The following BPTF variants were observed in gnomAD, a reference collection of about 807,000 sequenced individuals.
The protein encoded by BPTF is nucleosome-remodeling factor subunit BPTF.
Under a neutral mutation model 292.5 loss-of-function variants are expected in BPTF, and 18 were observed. That is an observed-to-expected ratio of 0.06 (90% CI 0.04 to 0.09). The LOEUF (loss-of-function observed/expected upper bound fraction) is 0.09. Among genes scored for constraint, BPTF ranks in the 10% least tolerant of loss-of-function variants. The pLI, the probability that BPTF is intolerant of heterozygous loss-of-function variation, is 1.00. For synonymous variants in BPTF, 1,225 were observed against 1,251.9 expected (o/e 0.98, Z 0.45); for missense variants, 2,726 against 3,498.7 (o/e 0.78, Z 5.57).
At chr17:67,887,642 A>G (rs2060831458) in intron 4 of BPTF, among the ~76,000 whole-genome samples, 1 of 152,212 alleles carries the variant, frequency 6.6e-6, no homozygotes, top group African/African-American at 2.4e-5. Flanking sequence ...GCAAGTGACC[A>G]AACCAACTTA....
Position 67,911,684 on chromosome 17 carries a change from C to T in BPTF, c.3800C>T (p.Thr1267Ile). The T allele has an allele frequency of 6.2e-7, 1 of 1,614,148 alleles. No individual in the cohort carries two copies. The highest frequency in any genetic ancestry group is 8.5e-7 in the Non-Finnish European group (1 of 1,180,032). Residue 1267 changes from threonine to isoleucine, a missense_variant, in exon 11 of 28, where the codon ACA (threonine) becomes ATA (isoleucine). Thr to Ile is a moderately conservative substitution (Grantham distance 89). Transcript: ENST00000306378. ...AAAAGTACCAATGACAGAGATGCCA[C>T]ACCTCTGTCAAGAGCAATGGACTTT... Reference protein sequence around the residue: ...VPKSTNDRDATPLSRAMDFEG... With the variant: ...VPKSTNDRDAIPLSRAMDFEG...
At chr17:67,955,019 G>T (rs2066784379) in intron 23 of BPTF, among the ~76,000 whole-genome samples, 1 of 152,132 alleles carries the variant, frequency 6.6e-6, no homozygotes, top group South Asian at 2.1e-4. Flanking sequence ...GCCGGGTACG[G>T]TGGCTCATGC....
At position 67,892,007 on chromosome 17, in the gene BPTF, A is replaced by G. The variant is rs2061146575; in HGVS notation, c.2028A>G (p.Ala676=). ...AGGTGGCAGCCGCTGCACATGAAGC[A>G]AATAAATTATTTAAGGAGGGCAAAG... ...SQQVAAAAHE[A]NKLFKEGKEV... Residue 676 remains alanine, a synonymous_variant, in exon 5 of 28, where the codon GCA becomes GCG. Transcript: ENST00000306378. 2 of 1,603,158 alleles carry G rather than the reference A, an allele frequency of 1.2e-6. No homozygotes were observed. Among genetic ancestry groups the G allele is most frequent in the East Asian group, 2.3e-5 (1 of 43,916 alleles).
At chr17:67,941,594 A>G (rs2147845052) in intron 19 of BPTF, among the ~76,000 whole-genome samples, 1 of 152,346 alleles carries the variant, frequency 6.6e-6, no homozygotes, top group Non-Finnish European at 1.5e-5. Flanking sequence ...TTATATGACA[A>G]AGGTGACATT....
intron 1 of BPTF, among the ~76,000 whole-genome samples, chr17:67,833,197 T>C (rs1419735790): frequency 1.3e-5 from 2 of 152,264 alleles, no homozygotes; most frequent in African/African-American, 4.8e-5. Context: ...TATCTTAACA[T>C]GTATCAGTAC....
chr17:67,896,094 C>T (rs2061426190), intron 7 of BPTF, among the ~76,000 whole-genome samples: 1 of 151,952 alleles, frequency 6.6e-6, no homozygotes, highest in African/African-American at 2.4e-5. Context: ...TCCCGAGTAA[C>T]TGGGACTATA....
At position 67,960,055 on chromosome 17, in the gene BPTF, G is replaced by T. The variant is rs573089070; in HGVS notation, c.8261+180G>T. 1.7e-5 allele frequency: 9 copies of T among 524,250 alleles called. No individual in the cohort carries two copies. The South Asian group carries it at 3.0e-4, about 18-fold the overall frequency. The allele number at this position is 524,250 out of a possible 1,614,324, so 32.5% of individuals were successfully genotyped here. Reference sequence around the variant, plus strand: ...CATTGACGCTAGTAAAGTAAAATTTGCTATTTCACGTGTTTGTGATTGTCC... The same window carrying T: ...CATTGACGCTAGTAAAGTAAAATTTTCTATTTCACGTGTTTGTGATTGTCC... On this transcript the variant is annotated intron_variant, in intron 24 of 27. Transcript: ENST00000306378.
Position 67,920,018 on chromosome 17 carries a change from C to G in BPTF, c.5432C>G (p.Thr1811Arg). Reference protein sequence around the residue: ...PPGGGTTRTETSETEITTTEI... With the variant: ...PPGGGTTRTERSETEITTTEI... ...CTATTGAATTAAATCACCATAGAAA[C>G]ATCCGAAACTGAAATCACAACAACA... Residue 1811 changes from threonine (T) to arginine (R), a missense_variant, in exon 13 of 28, where the codon ACA (threonine) becomes AGA (arginine). Transcript: ENST00000306378. 6.2e-7 allele frequency: 1 copy of G among 1,609,256 alleles called. No individual in the cohort carries two copies. The highest frequency in any genetic ancestry group is 8.5e-7 in the Non-Finnish European group (1 of 1,177,546).
At position 67,964,248 on chromosome 17, in the gene BPTF, CCATGGGCG is replaced by C; in HGVS notation, c.8300_8307del (p.His2767LeufsTer8). The C allele has an allele frequency of 6.2e-7, 1 of 1,613,902 alleles. No homozygotes were observed. The highest frequency in any genetic ancestry group is 1.7e-5 in the Admixed American group (1 of 60,010). ...GCTGTGATCGGTGTCAGAATTGGTA[CCATGGGCG>C]CTGCGTTGGCATCTTGCAAAGTGAG... On this transcript the variant is annotated frameshift_variant, in exon 25 of 28. Coordinates refer to ENST00000306378, the MANE Select transcript of BPTF (RefSeq NM_182641.4). LOFTEE classifies it high-confidence loss of function.
chr17:67,955,375 AAAG>A (rs2066829814), intron 23 of BPTF: 1 of 152,030 alleles, frequency 6.6e-6, no homozygotes, highest in Admixed American at 6.6e-5. Context: ...ACCCTGCAAA[AAAG>A]GGGCACAGCA....
At chr17:67,829,092 ATTGTTTTTTGTTT>A in intron 1 of BPTF, among the ~76,000 whole-genome samples, 1 of 148,338 alleles carries the variant, frequency 6.7e-6, no homozygotes. Flanking sequence ...AATTGGTCTA[ATTGTTTTTTGTTT>A]TTGTTTTTTG....
intron 1 of BPTF, among the ~76,000 whole-genome samples, chr17:67,832,391 T>C (rs1027768902): frequency 2.0e-5 from 3 of 152,204 alleles, no homozygotes; most frequent in Non-Finnish European, 2.9e-5. Context: ...CTAAAATTTT[T>C]ATGTTTTTCT....
intron 15 of BPTF, among the ~76,000 whole-genome samples, 168 bp from the exon 16 acceptor site, chr17:67,928,187 A>T (rs1284799864): frequency 6.6e-6 from 1 of 152,160 alleles, no homozygotes; most frequent in African/African-American, 2.4e-5. Flanking sequence ...GCCAGCCATA[A>T]ATACGGGTAA....
At chr17:67,944,648 C>T (rs2065657676) in intron 20 of BPTF, 2 of 466,142 alleles carry the variant, frequency 4.3e-6, no homozygotes, top group East Asian at 4.2e-5. Flanking sequence ...CCCACACTTA[C>T]TCCTTGCTAA....
At chr17:67,981,687 CT>C in intron 27 of BPTF, 1 of 991,158 alleles carries the variant, frequency 1.0e-6, no homozygotes, top group Non-Finnish European at 1.2e-6. Flanking sequence ...ATATAAAGTC[CT>C]TTGACTTAGT....
intron 2 of BPTF, among the ~76,000 whole-genome samples, chr17:67,856,422 C>T (rs1401044849): frequency 1.3e-5 from 2 of 151,962 alleles, no homozygotes; most frequent in African/African-American, 4.8e-5. Flanking sequence ...TGGTCTGTTT[C>T]TTCTAAGTTG....
At chr17:67,915,828 G>C (rs1379267315) in intron 11 of BPTF, among the ~76,000 whole-genome samples, 2 of 152,094 alleles carry the variant, frequency 1.3e-5, no homozygotes, top group Non-Finnish European at 2.9e-5. Context: ...TGTGTCCCCA[G>C]CTCCTTTCAC....
In BPTF at chr17:67,975,758, T is replaced by G. The variant is rs2069334259; in HGVS notation, c.8540-14T>G. 1.3e-6 allele frequency: 2 copies of G among 1,594,922 alleles called. No individual in the cohort carries two copies. The highest frequency in any genetic ancestry group is 1.4e-5 in the African/African-American group (1 of 73,842). The stretch of plus-strand genomic sequence containing the variant: ...TTAAAGCTCTGAAAATGTTTTACAT[T>G]TTGTGTTTTTAAGACCTTGCCACCA... On this transcript the variant is annotated splice_polypyrimidine_tract_variant and intron_variant, in intron 26 of 27. Transcript: ENST00000306378.
intron 7 of BPTF, among the ~76,000 whole-genome samples, chr17:67,896,298 G>A (rs2061449000): frequency 6.6e-6 from 1 of 152,122 alleles, no homozygotes; most frequent in African/African-American, 2.4e-5. Context: ...ATTTCATGAT[G>A]GACTGTTACA....
Sources: gnomAD v4.1 joint callset for allele counts (sites outside exome capture counted in the v4.1 genomes callset) on GRCh38, gnomAD v4.1.1 for gene constraint, MANE v1.5 for transcripts, NCBI Gene and HGNC (gene_info 2026-07-23, HGNC 2026-07-21) for gene names.